LRRC37A2: variants seen among roughly 807,000 people sequenced by gnomAD.
LRRC37A2 encodes leucine-rich repeat-containing protein 37A2.
LRRC37A2 carries 9 observed loss-of-function variants against 68.8 expected under a neutral mutation model. That is an observed-to-expected ratio of 0.13 (90% CI 0.08 to 0.23). The LOEUF (loss-of-function observed/expected upper bound fraction) is 0.23, where lower values mean the gene tolerates loss of function less well. LRRC37A2 is among the 10% of genes least tolerant of loss of function. The pLI, the probability that LRRC37A2 is intolerant of heterozygous loss-of-function variation, is 1.00. For synonymous variants in LRRC37A2, 63 were observed against 367.6 expected (o/e 0.17, Z 9.48); for missense variants, 168 against 950.4 (o/e 0.18, Z 10.82).
chr17:46,728,811 A>T, the LRRC37A2 span: 1 of 1,302,786 alleles, frequency 7.7e-7, no homozygotes, highest in Non-Finnish European at 1.1e-6. Flanking sequence ...TGGAATATGT[A>T]CATGTGTATC....
the LRRC37A2 span, among the ~76,000 whole-genome samples, chr17:46,583,975 T>TTATATA: frequency 0.019 from 195 of 10,316 alleles, 6 homozygotes; most frequent in African/African-American, 0.04. Flanking sequence ...CGTATATGTT[T>TTATATA]TATATATATA....
At chr17:46,948,533 T>C in the LRRC37A2 span, 1 of 152,266 alleles carries the variant, frequency 6.6e-6, no homozygotes, top group Non-Finnish European at 1.5e-5. Flanking sequence ...TCATTACCTA[T>C]TAGGACTTGC....
the LRRC37A2 span, among the ~76,000 whole-genome samples, chr17:47,014,097 A>G: frequency 6.6e-6 from 1 of 151,390 alleles, no homozygotes; most frequent in South Asian, 2.1e-4. Context: ...CCATCTCAAA[A>G]AACAAACAAA....
chr17:47,002,946 G>A, the LRRC37A2 span, among the ~76,000 whole-genome samples: 3 of 151,958 alleles, frequency 2.0e-5, no homozygotes, highest in African/African-American at 7.3e-5. Context: ...ACTCAAAGAC[G>A]AGTTCTGTAT....
At chr17:47,029,396 A>G in the LRRC37A2 span, among the ~76,000 whole-genome samples, 1 of 152,196 alleles carries the variant, frequency 6.6e-6, no homozygotes, top group South Asian at 2.1e-4. Flanking sequence ...TAACATACCC[A>G]TCAAATCAGA....
the LRRC37A2 span, chr17:46,830,917 T>A: frequency 7.3e-5 from 29 of 396,886 alleles, no homozygotes; most frequent in East Asian, 3.2e-4. Flanking sequence ...TAAGATCCTT[T>A]TCTAATAAAG....
the LRRC37A2 span, among the ~76,000 whole-genome samples, chr17:47,026,677 G>C: frequency 6.6e-6 from 1 of 152,080 alleles, no homozygotes; most frequent in South Asian, 2.1e-4. Flanking sequence ...CTGTATAACT[G>C]AATAAATTTC....
chr17:46,992,220 T>TAAATAAATAAATAAATAAATAAATAAATA, the LRRC37A2 span, among the ~76,000 whole-genome samples: 6 of 36,408 alleles, frequency 1.6e-4, no homozygotes, highest in Non-Finnish European at 3.3e-4. Flanking sequence ...ATAAATAAAT[T>TAAATAAATAAATAAATAAATAAATAAATA]AGCCAGGTGT....
At chr17:46,543,346 A>G (rs1298107688) in intron 8 of LRRC37A2, among the ~76,000 whole-genome samples, 2 of 150,684 alleles carry the variant, frequency 1.3e-5, no homozygotes, top group Non-Finnish European at 2.9e-5. Flanking sequence ...AGTCTCAAAG[A>G]TTTGTCAGTA....
At chr17:46,844,813 T>C in the LRRC37A2 span, among the ~76,000 whole-genome samples, 29 of 100,252 alleles carry the variant, frequency 2.9e-4, no homozygotes, top group Non-Finnish European at 4.0e-5. Flanking sequence ...CTCCTTCCCT[T>C]CCTTCCTTCC....
the LRRC37A2 span, among the ~76,000 whole-genome samples, chr17:46,825,693 A>G: frequency 6.6e-6 from 1 of 152,252 alleles, no homozygotes; most frequent in Non-Finnish European, 1.5e-5. Flanking sequence ...GGGGACAGTC[A>G]TTCATCAGAG....
At chr17:47,001,956 C>G in the LRRC37A2 span, among the ~76,000 whole-genome samples, 1 of 152,012 alleles carries the variant, frequency 6.6e-6, no homozygotes, top group South Asian at 2.1e-4. Flanking sequence ...CCAGGCTGGT[C>G]TTGAACTCCT....
the LRRC37A2 span, among the ~76,000 whole-genome samples, chr17:46,947,857 C>T: frequency 2.6e-5 from 4 of 152,234 alleles, no homozygotes; most frequent in Admixed American, 6.5e-5. Flanking sequence ...TAACCTCCGC[C>T]TCCCGGGTTC....
At chr17:46,895,409 C>T in the LRRC37A2 span, among the ~76,000 whole-genome samples, 10 of 152,228 alleles carry the variant, frequency 6.6e-5, no homozygotes, top group Non-Finnish European at 1.5e-4. Flanking sequence ...GTTATGAGGA[C>T]GGAACCTCTC....
At chr17:47,025,077 C>T in the LRRC37A2 span, among the ~76,000 whole-genome samples, 1 of 152,066 alleles carries the variant, frequency 6.6e-6, no homozygotes. Flanking sequence ...CCAATCTAAT[C>T]TATGGTCTAT....
the LRRC37A2 span, among the ~76,000 whole-genome samples, chr17:46,625,792 C>T: frequency 9.4e-6 from 1 of 105,948 alleles, no homozygotes. Context: ...GCCTGTAGTC[C>T]CAACTACTTT....
chr17:46,787,300 G>C, the LRRC37A2 span, among the ~76,000 whole-genome samples: 1 of 151,996 alleles, frequency 6.6e-6, no homozygotes, highest in Non-Finnish European at 1.5e-5. Context: ...ATTGGAGTAG[G>C]GCGGGGGCGG....
At chr17:47,008,030 AT>A in the LRRC37A2 span, 1 of 152,132 alleles carries the variant, frequency 6.6e-6, no homozygotes, top group African/African-American at 2.4e-5. Context: ...ATGAATTTTA[AT>A]TTCATAAAAT....
At chr17:46,494,094 C>T in the LRRC37A2 span, among the ~76,000 whole-genome samples, 10,296 of 134,452 alleles carry the variant, frequency 0.077, 5 homozygotes, top group Non-Finnish European at 0.12. Context: ...ATCTGCCTAC[C>T]TTGGCCTCCC....
Sources: gnomAD v4.1 joint callset for allele counts (sites outside exome capture counted in the v4.1 genomes callset) on GRCh38, gnomAD v4.1.1 for gene constraint, MANE v1.5 for transcripts, NCBI Gene and HGNC (gene_info 2026-07-23, HGNC 2026-07-21) for gene names.